AQP9: variants seen among roughly 807,000 people sequenced by gnomAD.
AQP9 encodes the protein aquaporin-9.
Under a neutral mutation model 23.8 loss-of-function variants are expected in AQP9, and 19 were observed. The ratio of observed to expected loss-of-function variants is 0.80; its 90% CI spans 0.56 to 1.17. The LOEUF is 1.17. Among genes scored for constraint, AQP9 ranks in the 50% most tolerant of loss-of-function variants. AQP9 has a pLI of 0.00. For missense variants in AQP9, 413 were observed against 362.0 expected, an observed-to-expected ratio of 1.14 and a Z score of -1.14; for synonymous variants, 153 against 131.5, an observed-to-expected ratio of 1.16 and a Z score of -1.12.
At position 58,184,164 on chromosome 15, in the gene AQP9, A is replaced by C; in HGVS notation, c.*29A>C. Reference sequence around the variant, plus strand: ...CATGCTCAGCTCTGGATTTGCAGTCAGTTTGGGATTCTCTTCAGAAAGATG... The same window carrying C: ...CATGCTCAGCTCTGGATTTGCAGTCCGTTTGGGATTCTCTTCAGAAAGATG... On this transcript the variant is annotated 3_prime_UTR_variant, in exon 6 of 6. Transcript: ENST00000219919. 1 of 1,602,980 alleles carries C rather than the reference A, an allele frequency of 6.2e-7. No individual in the cohort carries two copies. Among genetic ancestry groups the C allele is most frequent in the Non-Finnish European group, 8.5e-7 (1 of 1,172,432 alleles).
intron 1 of AQP9, among the ~76,000 whole-genome samples, chr15:58,159,397 T>G (rs1310734255): frequency 6.6e-6 from 1 of 152,188 alleles, no homozygotes; most frequent in African/African-American, 2.4e-5. Context: ...ACATAACAGA[T>G]GTACATATTT....
rs1275845135 is a variant in AQP9, at chr15:58,179,315, C to T, written c.683C>T (p.Ala228Val). The change falls in exon 5 of 6, where the codon GCC becomes GTC. Residue 228 changes from alanine (A) to valine (V), a missense_variant. Transcript: ENST00000219919. ...GACCTGAGTCCCAGACTTTTCACTG[C>T]CTTGGCAGGCTGGGGGTTTGAAGTC... ...ARDLSPRLFTALAGWGFEVFR... is the reference protein window; with the variant it reads ...ARDLSPRLFTVLAGWGFEVFR... The T allele has an allele frequency of 6.8e-6, 11 of 1,613,704 alleles. No individual in the cohort carries two copies. In the South Asian group the frequency reaches 1.2e-4, roughly 18 times the overall value.
Position 58,184,173 on chromosome 15 carries a change from T to C in AQP9, c.*38T>C, listed in dbSNP as rs1465276662. ...CTCTGGATTTGCAGTCAGTTTGGGA[T>C]TCTCTTCAGAAAGATGGCATCTAAG... On this transcript the variant is annotated 3_prime_UTR_variant, in exon 6 of 6. Transcript: ENST00000219919. The C allele has an allele frequency of 1.4e-5, 22 of 1,597,100 alleles. No individual in the cohort carries two copies. The highest frequency in any genetic ancestry group is 1.7e-5 in the Non-Finnish European group (20 of 1,168,424).
intron 1 of AQP9, among the ~76,000 whole-genome samples, chr15:58,144,822 T>C (rs1326925893): frequency 1.3e-5 from 2 of 151,908 alleles, no homozygotes; most frequent in East Asian, 3.9e-4. Context: ...CAGACCAGCC[T>C]GGTCAATATG....
chr15:58,149,787 C>T (rs1221406812), intron 1 of AQP9, among the ~76,000 whole-genome samples: 2 of 152,328 alleles, frequency 1.3e-5, no homozygotes, highest in South Asian at 4.1e-4. Context: ...TCTCCTTCCT[C>T]TCCAGTTACA....
At chr15:58,174,589 C>A (rs550550901) in intron 3 of AQP9, among the ~76,000 whole-genome samples, 1 of 152,302 alleles carries the variant, frequency 6.6e-6, no homozygotes, top group South Asian at 2.1e-4. Flanking sequence ...TAGAGCAAGA[C>A]CAAGCCCCAC....
At chr15:58,145,481 T>C (rs1368199466) in intron 1 of AQP9, among the ~76,000 whole-genome samples, 1 of 150,404 alleles carries the variant, frequency 6.6e-6, no homozygotes, top group Non-Finnish European at 1.5e-5. Flanking sequence ...AATGAGACTT[T>C]GTGTCCAAAA....
At chr15:58,179,437 G>A (rs1032770037) in intron 5 of AQP9, 92 bp downstream of exon 5, 1 of 1,192,840 alleles carries the variant, frequency 8.4e-7, no homozygotes. Flanking sequence ...GGGAAGTTCA[G>A]ATGACAGCGC....
chr15:58,142,436 A>G (rs1229920634), intron 1 of AQP9, among the ~76,000 whole-genome samples: 3 of 152,220 alleles, frequency 2.0e-5, no homozygotes, highest in African/African-American at 4.8e-5. Context: ...TAGCAGTGTC[A>G]AAAGATGATT....
rs770923821 is a variant in AQP9, at chr15:58,166,729, G to A, written c.168G>A (p.Gly56=). 1.6e-5 allele frequency: 26 copies of A among 1,613,754 alleles called. No individual in the cohort carries two copies. Among genetic ancestry groups the A allele is most frequent in the Non-Finnish European group, 2.2e-5 (26 of 1,179,846 alleles). ...TTCTCAGTCGAGGACGTTTTGGAGG[G>A]GTCATCACTATCAATGTTGGATTTT... is the stretch of plus-strand genomic sequence containing the variant. ...QAILSRGRFG[G]VITINVGFSM... Residue 56 remains glycine (G), a synonymous_variant, in exon 2 of 6, where the codon GGG becomes GGA. Coordinates refer to ENST00000219919, the MANE Select transcript of AQP9 (RefSeq NM_020980.5).
At chr15:58,151,340 C>T (rs1175111977) in intron 1 of AQP9, 1 of 152,044 alleles carries the variant, frequency 6.6e-6, no homozygotes, top group African/African-American at 2.4e-5. Context: ...AGTTATTATT[C>T]CAACAATTAT....
At chr15:58,165,402 AAG>A (rs1898477200) in intron 1 of AQP9, among the ~76,000 whole-genome samples, 1 of 152,234 alleles carries the variant, frequency 6.6e-6, no homozygotes, top group Non-Finnish European at 1.5e-5. Context: ...GGTTTTAAAA[AAG>A]AGAGGATATA....
At chr15:58,138,915 G>A in intron 1 of AQP9, 1 of 422,328 alleles carries the variant, frequency 2.4e-6, no homozygotes, top group South Asian at 2.9e-5. Flanking sequence ...GAAGGAGTGA[G>A]TGAAGTGCCT....
intron 4 of AQP9, among the ~76,000 whole-genome samples, chr15:58,176,514 G>A (rs558048008): frequency 6.6e-6 from 1 of 151,978 alleles, no homozygotes; most frequent in Non-Finnish European, 1.5e-5. Context: ...AAGAAAATTA[G>A]ATAGGAAACT....
At chr15:58,172,992 C>T (rs1898655651) in intron 2 of AQP9, 76 bp from the exon 3 acceptor site, 1 of 1,576,760 alleles carries the variant, frequency 6.3e-7, no homozygotes, top group East Asian at 2.2e-5. Context: ...CTGAATTCCA[C>T]CTGAGGTCTC....
At chr15:58,172,324 T>C (rs1465318018) in intron 2 of AQP9, among the ~76,000 whole-genome samples, 6 of 152,256 alleles carry the variant, frequency 3.9e-5, no homozygotes, top group African/African-American at 1.2e-4. Flanking sequence ...TGATAAATGC[T>C]GCTGTTGTTG....
chr15:58,155,325 G>A (rs1320312613), intron 1 of AQP9: 3 of 152,030 alleles, frequency 2.0e-5, no homozygotes, highest in East Asian at 3.9e-4. Context: ...TGCTACTCAC[G>A]ACCATAGCAA....
intron 1 of AQP9, among the ~76,000 whole-genome samples, chr15:58,161,283 A>C (rs1208599683): frequency 2.6e-5 from 4 of 152,216 alleles, no homozygotes; most frequent in Non-Finnish European, 5.9e-5. Context: ...ATCGGGAATG[A>C]CTGGAGGAGT....
intron 1 of AQP9, among the ~76,000 whole-genome samples, chr15:58,147,507 T>G (rs1898069135): frequency 6.6e-6 from 1 of 152,156 alleles, no homozygotes. Flanking sequence ...AGCAAGTGAT[T>G]TAAGAGAAAC....
Sources: gnomAD v4.1 joint callset for allele counts (sites outside exome capture counted in the v4.1 genomes callset) on GRCh38, gnomAD v4.1.1 for gene constraint, MANE v1.5 for transcripts, NCBI Gene and HGNC (gene_info 2026-07-23, HGNC 2026-07-21) for gene names.